The following MCPH1 variants were observed in gnomAD, a reference collection of about 807,000 sequenced individuals.
MCPH1 encodes microcephalin 1, also known as microcephalin.
Under a neutral mutation model 84.5 loss-of-function variants are expected in MCPH1, and 104 were observed. The ratio of observed to expected loss-of-function variants is 1.23; its 90% confidence interval spans 1.05 to 1.45. The LOEUF is 1.45. Ranked by LOEUF, MCPH1 falls within the 40% of genes most tolerant of loss-of-function variation. The pLI, the probability that MCPH1 is intolerant of heterozygous loss-of-function variation, is 0.00. For synonymous variants in MCPH1, 514 were observed against 366.8 expected (o/e 1.40, Z -4.58); for missense variants, 1,498 against 1,005.7 (o/e 1.49, Z -6.62).
intron 12 of MCPH1, among the ~76,000 whole-genome samples, chr8:6,510,935 G>A (rs2129566684): frequency 6.6e-6 from 1 of 152,294 alleles, no homozygotes; most frequent in Non-Finnish European, 1.5e-5. Flanking sequence ...CTAAATGCCT[G>A]CTGCAAAATG....
At chr8:6,496,401 C>G (rs1036092494) in intron 11 of MCPH1, among the ~76,000 whole-genome samples, 1 of 152,188 alleles carries the variant, frequency 6.6e-6, no homozygotes, top group Non-Finnish European at 1.5e-5. Context: ...CCACCACTCA[C>G]CTCCTGCTGT....
At chr8:6,449,857 C>T (rs539524490) in intron 8 of MCPH1, among the ~76,000 whole-genome samples, 9 of 152,284 alleles carry the variant, frequency 5.9e-5, no homozygotes, top group Non-Finnish European at 8.8e-5. Flanking sequence ...TCTTCAACCA[C>T]CGAAAGTCAG....
At position 6,643,465 on chromosome 8, in the gene MCPH1, A is replaced by G. The variant is rs527964849; in HGVS notation, c.*416A>G. 22 of 242,258 alleles carry G rather than the reference A, an allele frequency of 9.1e-5. No individual in the cohort carries two copies. Among genetic ancestry groups the G allele is most frequent in the African/African-American group, 4.6e-4 (20 of 43,686 alleles). The allele number at this position is 242,258 out of a possible 1,614,324, so 15.0% of individuals were successfully genotyped here. On this transcript the variant is annotated 3_prime_UTR_variant, in exon 14 of 14. Coordinates refer to ENST00000344683, the MANE Select transcript of MCPH1 (RefSeq NM_024596.5). ...GTTTTAGTAGAGACAGGGTTTCGCC[A>G]TGTTGGCCAGGCTGGTCTCAAACGC...
intron 12 of MCPH1, among the ~76,000 whole-genome samples, chr8:6,585,145 T>G (rs1405967938): frequency 1.3e-5 from 2 of 152,222 alleles, no homozygotes; most frequent in Non-Finnish European, 2.9e-5. Flanking sequence ...TGTCTCTGTT[T>G]TCCGGACTTT....
At chr8:6,625,790 GAAAA>G in intron 13 of MCPH1, 13 of 909,142 alleles carry the variant, frequency 1.4e-5, no homozygotes, top group Non-Finnish European at 1.6e-5. Flanking sequence ...TCTCTAAAAA[GAAAA>G]AAAAAAGAAT....
chr8:6,621,608 C>T lies in MCPH1; in HGVS notation c.2369C>T (p.Pro790Leu). 1 of 1,614,238 alleles carries T rather than the reference C, an allele frequency of 6.2e-7. No homozygotes were observed. Among genetic ancestry groups the T allele is most frequent in the Non-Finnish European group, 8.5e-7 (1 of 1,180,044 alleles). ...HLCGGRVSQV[P>L]RQASIVIGPY... ...TGCGGAGGCCGGGTCAGCCAAGTCC[C>T]CCGCCAGGCCAGCATCGTCATCGGG... Residue 790 changes from proline to leucine, a missense_variant, in exon 13 of 14, where the codon CCC becomes CTC. By Grantham distance (98) the Pro-to-Leu change is moderately conservative. Transcript: ENST00000344683.
At chr8:6,583,965 A>C (rs1412841714) in intron 12 of MCPH1, among the ~76,000 whole-genome samples, 2 of 151,852 alleles carry the variant, frequency 1.3e-5, no homozygotes, top group Non-Finnish European at 1.5e-5. Context: ...GGGTAGTTCA[A>C]GATTCATCAT....
At chr8:6,607,661 C>A (rs1293706144) in intron 12 of MCPH1, among the ~76,000 whole-genome samples, 1 of 152,142 alleles carries the variant, frequency 6.6e-6, no homozygotes, top group Non-Finnish European at 1.5e-5. Flanking sequence ...CAGTTTCCCC[C>A]CATACAGTTC....
In MCPH1 at chr8:6,432,895, G is replaced by A. The variant is rs180846186; in HGVS notation, c.321+1309G>A. 1.1e-3 allele frequency among the ~76,000 whole-genome samples: 174 copies of A among 152,284 alleles called. 1 individual carries two copies. The highest frequency in any genetic ancestry group is 4.0e-3 in the African/African-American group (168 of 41,552). On this transcript the variant is annotated intron_variant, in intron 4 of 13. Coordinates refer to ENST00000344683, the MANE Select transcript of MCPH1 (RefSeq NM_024596.5). ...TCAGTAGTACATACATATTTTCTTT[G>A]TAAAACATTTAGTAAACACAGACAT...
intron 3 of MCPH1, among the ~76,000 whole-genome samples, chr8:6,416,378 G>A (rs572196397): frequency 6.6e-6 from 1 of 152,308 alleles, no homozygotes; most frequent in South Asian, 2.1e-4. Context: ...GGACGTCCTT[G>A]TGTTGTTGCT....
At chr8:6,480,509 A>C (rs547883356) in intron 10 of MCPH1, among the ~76,000 whole-genome samples, 1 of 152,214 alleles carries the variant, frequency 6.6e-6, no homozygotes, top group Non-Finnish European at 1.5e-5. Flanking sequence ...CTTCTCAGCC[A>C]TTAAAATAGA....
intron 12 of MCPH1, among the ~76,000 whole-genome samples, chr8:6,553,420 AGCACACC>A (rs1824022306): frequency 6.6e-6 from 1 of 152,208 alleles, no homozygotes; most frequent in South Asian, 2.1e-4. Flanking sequence ...AAAGTACACT[AGCACACC>A]GGGAGAATAA....
At position 6,647,617 on chromosome 8, in the gene MCPH1, C is replaced by T. The variant is rs1798272370; in HGVS notation, c.*4568C>T. 2 of 152,032 alleles carry T rather than the reference C, an allele frequency of 1.3e-5. No individual in the cohort carries two copies. The allele number at this position is 152,032 out of a possible 1,614,324, so 9.4% of individuals were successfully genotyped here. A position where few individuals can be genotyped will look rare whatever the true frequency, so the allele number is the denominator to read the frequency against. On this transcript the variant is annotated 3_prime_UTR_variant, in exon 14 of 14. Coordinates refer to ENST00000344683, the MANE Select transcript of MCPH1 (RefSeq NM_024596.5). ...ACAAACTACTAAACACGTGCAACAA[C>T]ATGAATGAGCCTCAGAAACATAAGT...
In MCPH1 at chr8:6,626,005, C is replaced by T. The variant is rs1022715404; in HGVS notation, c.2452+4314C>T. ...AGGAAGGTGGGTACTGAAACGACAG[C>T]TCTTCCCCTGGGACTGCAGCATCCG... On this transcript the variant is annotated intron_variant, in intron 13 of 13. Coordinates refer to ENST00000344683, the MANE Select transcript of MCPH1 (RefSeq NM_024596.5). 4.1e-5 allele frequency: 40 copies of T among 985,332 alleles called. No individual in the cohort carries two copies. In the Admixed American group the frequency reaches 6.1e-4, roughly 15 times the overall value. The allele number at this position is 985,332 out of a possible 1,614,324, so 61.0% of individuals were successfully genotyped here. A position where few individuals can be genotyped will look rare whatever the true frequency, so the allele number is the denominator to read the frequency against.
At chr8:6,638,919 G>C (rs1797745656) in intron 13 of MCPH1, among the ~76,000 whole-genome samples, 1 of 152,206 alleles carries the variant, frequency 6.6e-6, no homozygotes, top group Non-Finnish European at 1.5e-5. Context: ...ACCTCCCAGA[G>C]TGCTGCCCGC....
intron 12 of MCPH1, among the ~76,000 whole-genome samples, chr8:6,529,078 T>G (rs2515469): frequency 0.47 from 71,983 of 151,672 alleles, 17,450 homozygotes; most frequent in African/African-American, 0.57. Context: ...AAATTCCGTG[T>G]GGAGGCAGGG....
At chr8:6,600,560 C>G (rs2959788) in intron 12 of MCPH1, among the ~76,000 whole-genome samples, 69,928 of 152,206 alleles carry the variant, frequency 0.46, 16,427 homozygotes, top group East Asian at 0.71. Context: ...GACTGAGGCA[C>G]GTTAGGCTTG....
intron 13 of MCPH1, chr8:6,642,709 G>C: frequency 2.1e-6 from 1 of 485,982 alleles, no homozygotes; most frequent in Non-Finnish European, 3.8e-6. Flanking sequence ...TGCCCACTGA[G>C]TGTCCTGACA....
intron 11 of MCPH1, among the ~76,000 whole-genome samples, chr8:6,489,666 G>T (rs996892906): frequency 6.6e-6 from 1 of 152,178 alleles, no homozygotes; most frequent in Admixed American, 6.5e-5. Flanking sequence ...TAATGCTGCT[G>T]CTACATCAGA....
Sources: allele counts gnomAD v4.1 joint callset (sites outside exome capture counted in the v4.1 genomes callset), GRCh38; gene constraint gnomAD v4.1.1; transcripts MANE v1.5; gene names NCBI Gene and HGNC (gene_info 2026-07-23, HGNC 2026-07-21).